Variants in AP4E1 observed in about 807,000 individuals in gnomAD.
AP4E1 encodes AP-4 complex subunit epsilon-1.
In AP4E1, 56 loss-of-function variants were observed where a neutral mutation model predicts 128.2. The observed-to-expected ratio is 0.44, with a 90% confidence interval of 0.35 to 0.55. AP4E1 has a LOEUF of 0.55. AP4E1 is among the 20% of genes least tolerant of loss of function. AP4E1 has a pLI of 0.00. For missense variants in AP4E1, 1,324 were observed against 1,307.7 expected (o/e 1.01, Z -0.19); for synonymous variants, 484 against 473.1 (o/e 1.02, Z -0.30).
intron 10 of AP4E1, among the ~76,000 whole-genome samples, chr15:50,947,666 C>T (rs1025840600): frequency 1.3e-4 from 20 of 152,248 alleles, no homozygotes; most frequent in African/African-American, 4.8e-4. Context: ...TATATATACA[C>T]CCATAGCTGT....
chr15:50,977,661 C>A (rs1596499313), intron 15 of AP4E1, among the ~76,000 whole-genome samples: 1 of 147,656 alleles, frequency 6.8e-6, no homozygotes, highest in African/African-American at 2.5e-5. Flanking sequence ...GTATTTTATG[C>A]ATAAAGAATT....
intron 2 of AP4E1, 85 bp from the exon 3 acceptor site, chr15:50,915,363 T>C: frequency 7.3e-7 from 1 of 1,362,430 alleles, no homozygotes. Flanking sequence ...GATTAAAGGA[T>C]TCTCCTTTTA....
At chr15:50,908,572 G>C (rs981669378), upstream of AP4E1, 2 of 543,206 alleles carry the variant, frequency 3.7e-6, no homozygotes, top group Non-Finnish European at 5.9e-6. Flanking sequence ...TCGAGCGAGC[G>C]GCCTTTTCCA....
In AP4E1 at chr15:50,926,128, TTTAA is replaced by T. The variant is rs1203735743; in HGVS notation, c.542+928_542+931del. Among the ~76,000 whole-genome samples, 9 of 152,186 alleles carry T rather than the reference TTTAA, an allele frequency of 5.9e-5. No homozygotes were observed. In the East Asian group the frequency reaches 1.4e-3, roughly 23 times the overall value. On this transcript the variant is annotated intron_variant, in intron 5 of 20. Transcript: ENST00000261842. ...TGACCAAGCCCCTTTATGTCATAAT[TTTAA>T]TTAATTAATTAATTAATTTTTTTGA...
intron 17 of AP4E1, among the ~76,000 whole-genome samples, chr15:50,995,978 A>T (rs1315495507): frequency 1.5e-5 from 2 of 137,562 alleles, no homozygotes; most frequent in Non-Finnish European, 3.1e-5. Context: ...TCTAATATAC[A>T]TCTTTTTTTT....
At chr15:50,950,260 C>T (rs2064131289) in intron 13 of AP4E1, 91 bp downstream of exon 13, 1 of 844,902 alleles carries the variant, frequency 1.2e-6, no homozygotes, top group Non-Finnish European at 1.9e-6. Context: ...ATTCGCTTTA[C>T]TCAGCTAACT....
intron 19 of AP4E1, among the ~76,000 whole-genome samples, chr15:51,000,184 C>T (rs1468986047): frequency 6.8e-6 from 1 of 148,016 alleles, no homozygotes; most frequent in Non-Finnish European, 1.5e-5. Flanking sequence ...GCTGTGTCAC[C>T]CAGGCTGGAG....
intron 16 of AP4E1, among the ~76,000 whole-genome samples, chr15:50,987,455 C>T (rs1175626461): frequency 6.6e-6 from 1 of 152,108 alleles, no homozygotes; most frequent in Non-Finnish European, 1.5e-5. Context: ...TATAAATTTC[C>T]CTCTACACAC....
intron 8 of AP4E1, 33 bp downstream of exon 8, chr15:50,934,730 C>A (rs764916204): frequency 2.1e-6 from 3 of 1,414,436 alleles, no homozygotes; most frequent in Non-Finnish European, 3.0e-6. Flanking sequence ...ACTCTAATGA[C>A]TAATAATGTT....
At position 51,005,326 on chromosome 15, in the gene AP4E1, A is replaced by T. The variant is rs1289884074; in HGVS notation, c.*2664A>T. Reference sequence around the variant, plus strand: ...TGCCAGGCATCTTTGCTGAAAATGGAGATGGCAGCAAGTGTGAATCTGGGG... The same window carrying T: ...TGCCAGGCATCTTTGCTGAAAATGGTGATGGCAGCAAGTGTGAATCTGGGG... On this transcript the variant is annotated 3_prime_UTR_variant, in exon 21 of 21. Coordinates refer to ENST00000261842, the MANE Select transcript of AP4E1 (RefSeq NM_007347.5). The T allele has an allele frequency of 6.5e-6, 1 of 152,854 alleles. No homozygotes were observed. Among genetic ancestry groups the T allele is most frequent in the African/African-American group, 2.4e-5 (1 of 41,454 alleles). 9.5% of individuals were successfully genotyped at this position (152,854 alleles called of 1,614,324 possible). A position where few individuals can be genotyped will look rare whatever the true frequency, so the allele number is the denominator to read the frequency against.
At chr15:50,944,529 T>C (rs1336675230) in intron 10 of AP4E1, 1 of 174,028 alleles carries the variant, frequency 5.7e-6, no homozygotes, top group Non-Finnish European at 1.2e-5. Flanking sequence ...AAAGCTATTG[T>C]TGGGGTGACC....
intron 14 of AP4E1, among the ~76,000 whole-genome samples, chr15:50,966,174 C>T (rs763595288): frequency 3.3e-5 from 5 of 152,160 alleles, no homozygotes; most frequent in Non-Finnish European, 5.9e-5. Flanking sequence ...CCACCTTGGC[C>T]TCCCAAAGTG....
chr15:50,919,710 T>A (rs1370273012), intron 3 of AP4E1, among the ~76,000 whole-genome samples: 2 of 151,986 alleles, frequency 1.3e-5, no homozygotes, highest in Non-Finnish European at 2.9e-5. Flanking sequence ...TTCTTGCCAA[T>A]TAGAGGGACG....
intron 10 of AP4E1, chr15:50,944,620 C>A: frequency 3.5e-6 from 1 of 288,934 alleles, no homozygotes; most frequent in South Asian, 8.5e-5. Context: ...ACAGAACTCA[C>A]AGCAAAGAGC....
rs371288194 is a variant in AP4E1, at chr15:50,993,393, G to T, written c.2114G>T (p.Gly705Val). Residue 705 changes from glycine (G) to valine (V), a missense_variant, in exon 17 of 21, where the codon GGT (glycine) becomes GTT (valine). Transcript: ENST00000261842. Reference sequence around the variant, plus strand: ...AGGACAAATAGCTTGAAGCTGGAAGGTATAAAGAAATTGTGGGGGAAAGAA... The same window carrying T: ...AGGACAAATAGCTTGAAGCTGGAAGTTATAAAGAAATTGTGGGGGAAAGAA... ...LKETNSLKLE[G>V]IKKLWGKEGY... 1.9e-6 allele frequency: 3 copies of T among 1,613,918 alleles called. No homozygotes were observed. Among genetic ancestry groups the T allele is most frequent in the Admixed American group, 1.7e-5 (1 of 59,992 alleles).
chr15:50,928,813 C>T lies in AP4E1; in HGVS notation c.543-196C>T, dbSNP rs574024885. 4.0e-5 allele frequency among the ~76,000 whole-genome samples: 6 copies of T among 150,730 alleles called. No homozygotes were observed. The East Asian group carries it at 1.2e-3, about 29-fold the overall frequency. On this transcript the variant is annotated intron_variant, in intron 5 of 20. Transcript: ENST00000261842. ...ACACGGGCAGTTAAAGTTTTGAGAC[C>T]TTACTTCCTAGAGGTAACCACTTTT...
intron 16 of AP4E1, 110 bp from the exon 17 acceptor site, chr15:50,993,260 C>A (rs1467725727): frequency 9.0e-7 from 1 of 1,114,876 alleles, no homozygotes; most frequent in Non-Finnish European, 1.3e-6. Context: ...TATAATGTGA[C>A]AGTTGTTTTT....
chr15:50,935,630 G>A (rs1486701586), intron 8 of AP4E1, among the ~76,000 whole-genome samples: 1 of 152,150 alleles, frequency 6.6e-6, no homozygotes, highest in Non-Finnish European at 1.5e-5. Context: ...ACTCAAATGA[G>A]AAGTCATTTC....
At position 50,915,559 on chromosome 15, in the gene AP4E1, G is replaced by GA. The variant is rs1317476153; in HGVS notation, c.340dup (p.Arg114LysfsTer13). 2 of 1,613,272 alleles carry GA rather than the reference G, an allele frequency of 1.2e-6. No homozygotes were observed. Among genetic ancestry groups the GA allele is most frequent in the Non-Finnish European group, 8.5e-7 (1 of 1,179,660 alleles). On this transcript the variant is annotated frameshift_variant, in exon 3 of 21. Coordinates refer to ENST00000261842, the MANE Select transcript of AP4E1 (RefSeq NM_007347.5). LOFTEE classifies it high-confidence loss of function. ...GTTAGCCCAACAAGGAAACCTCTTA[G>GA]AAAAAAGAGTAGGTATGTATGTGTT...
Sources: allele counts gnomAD v4.1 joint callset (sites outside exome capture counted in the v4.1 genomes callset), GRCh38; gene constraint gnomAD v4.1.1; transcripts MANE v1.5; gene names NCBI Gene and HGNC (gene_info 2026-07-23, HGNC 2026-07-21).